CNOT1: variants seen among roughly 807,000 people sequenced by gnomAD.
The protein encoded by CNOT1 is CCR4-NOT transcription complex subunit 1.
CNOT1 carries 15 observed loss-of-function variants against 273.8 expected under a neutral mutation model. The ratio of observed to expected loss-of-function variants is 0.05; its 90% CI spans 0.04 to 0.08. The LOEUF is 0.08. Among genes scored for constraint, CNOT1 ranks in the 10% least tolerant of loss-of-function variants. CNOT1 has a pLI of 1.00. For synonymous variants in CNOT1, 1,022 were observed against 1,005.5 expected, an observed-to-expected ratio of 1.02 and a Z score of -0.31; for missense variants, 1,644 against 2,912.2, an observed-to-expected ratio of 0.56 and a Z score of 10.02.
intron 15 of CNOT1, 121 bp from the exon 16 acceptor site, chr16:58,574,881 A>T: frequency 6.4e-7 from 1 of 1,560,276 alleles, no homozygotes; most frequent in Non-Finnish European, 8.6e-7. Flanking sequence ...TTGCCATTTA[A>T]AAAAGTTGTT....
At chr16:58,607,136 C>T (rs1450945486) in intron 1 of CNOT1, among the ~76,000 whole-genome samples, 4 of 152,128 alleles carry the variant, frequency 2.6e-5, no homozygotes, top group African/African-American at 7.2e-5. Context: ...AATAAGGTCT[C>T]GATCAATAGC....
chr16:58,563,407 TCACA>T (rs1003654166), intron 16 of CNOT1, among the ~76,000 whole-genome samples: 3 of 152,160 alleles, frequency 2.0e-5, no homozygotes, highest in Non-Finnish European at 4.4e-5. Context: ...TCTATAATGC[TCACA>T]CAAAGACAAA....
At chr16:58,556,019 A>G in intron 19 of CNOT1, 111 bp from the exon 20 acceptor site, 1 of 1,504,354 alleles carries the variant, frequency 6.6e-7, no homozygotes, top group East Asian at 2.3e-5. Context: ...GAAATATAAA[A>G]AAACTGGAAA....
rs562755553 is a variant in CNOT1, at chr16:58,597,453, T to G, written c.102+1783A>C. ...TCGCGCCACGGTATGCCAGCCTGAG[T>G]GACAGAGTGAAACTCTGTCTCAAAA... On this transcript the variant is annotated intron_variant, in intron 2 of 48. Coordinates refer to ENST00000317147, the MANE Select transcript of CNOT1 (RefSeq NM_016284.5). The G allele has an allele frequency of 5.7e-3, 1,092 of 189,992 alleles. 6 individuals are homozygous for G. The highest frequency in any genetic ancestry group is 8.9e-3 in the Non-Finnish European group (836 of 93,986). 11.8% of individuals were successfully genotyped at this position (189,992 alleles called of 1,614,324 possible). A position where few individuals can be genotyped will look rare whatever the true frequency, so the allele number is the denominator to read the frequency against.
At chr16:58,535,430 T>A (rs1484703788) in intron 39 of CNOT1, among the ~76,000 whole-genome samples, 2 of 152,118 alleles carry the variant, frequency 1.3e-5, no homozygotes, top group Admixed American at 1.3e-4. Context: ...TTCAAAAGGA[T>A]ACAAAACAGC....
chr16:58,607,346 T>C (rs1220007143), intron 1 of CNOT1, among the ~76,000 whole-genome samples: 1 of 152,186 alleles, frequency 6.6e-6, no homozygotes, highest in African/African-American at 2.4e-5. Context: ...TTTAAGCACT[T>C]GTATATATAC....
chr16:58,604,446 G>GC, intron 1 of CNOT1, among the ~76,000 whole-genome samples: 1 of 152,128 alleles, frequency 6.6e-6, no homozygotes, highest in Admixed American at 6.5e-5. Context: ...GACTCAGATA[G>GC]TTTTAATGAT....
intron 16 of CNOT1, among the ~76,000 whole-genome samples, chr16:58,564,921 A>G (rs1240857503): frequency 6.6e-6 from 1 of 152,132 alleles, no homozygotes; most frequent in Non-Finnish European, 1.5e-5. Context: ...GGGTAACAAG[A>G]GAAAAACTCC....
At chr16:58,582,045 A>C (rs1336189840) in intron 10 of CNOT1, among the ~76,000 whole-genome samples, 3 of 150,788 alleles carry the variant, frequency 2.0e-5, no homozygotes, top group Non-Finnish European at 4.4e-5. Context: ...GCACTTTGGA[A>C]GGAGGGCGCA....
chr16:58,601,349 G>A (rs886463613), intron 1 of CNOT1, among the ~76,000 whole-genome samples: 4 of 151,966 alleles, frequency 2.6e-5, no homozygotes, highest in African/African-American at 9.7e-5. Context: ...CGCCCGCCTC[G>A]GCCTCCCAAA....
chr16:58,589,554 C>T (rs1272735643), intron 2 of CNOT1, among the ~76,000 whole-genome samples: 1 of 152,060 alleles, frequency 6.6e-6, no homozygotes, highest in Non-Finnish European at 1.5e-5. Flanking sequence ...CAGTCACTGG[C>T]AGGAAGAGAA....
At chr16:58,538,982 A>T (rs759452612) in intron 35 of CNOT1, 68 bp from the exon 36 acceptor site, 3 of 1,565,310 alleles carry the variant, frequency 1.9e-6, no homozygotes, top group Non-Finnish European at 2.6e-6. Flanking sequence ...CACAGCCAGA[A>T]ACCAAATCTC....
intron 22 of CNOT1, among the ~76,000 whole-genome samples, chr16:58,552,889 C>G (rs965601213): frequency 2.0e-5 from 3 of 152,206 alleles, no homozygotes; most frequent in African/African-American, 7.2e-5. Flanking sequence ...AACAATGCTT[C>G]TCAAATTTCA....
At chr16:58,580,508 AAG>A (rs1235925548) in intron 12 of CNOT1, 123 bp downstream of exon 12, 4 of 1,381,144 alleles carry the variant, frequency 2.9e-6, no homozygotes, top group Non-Finnish European at 3.8e-6. Context: ...TACTTAAGAT[AAG>A]TAAGGTCACT....
chr16:58,560,710 T>C (rs905328438), intron 16 of CNOT1, among the ~76,000 whole-genome samples: 1 of 152,182 alleles, frequency 6.6e-6, no homozygotes, highest in Non-Finnish European at 1.5e-5. Flanking sequence ...AGACCCCATG[T>C]CTACAAATAT....
chr16:58,601,734 TAAAA>T lies in CNOT1; in HGVS notation c.-174-2227_-174-2224del, dbSNP rs66711143. ...ATATGCTAGTGCTCCATACCCACCT[TAAAA>T]AAAAAAAAAAAAAAAAGCCTGTGCA... is the stretch of plus-strand genomic sequence containing the variant. On this transcript the variant is annotated intron_variant, in intron 1 of 48. Transcript: ENST00000317147. Among the ~76,000 whole-genome samples, 28 of 91,506 alleles carry T rather than the reference TAAAA, an allele frequency of 3.1e-4. 1 individual carries two copies. Among genetic ancestry groups the T allele is most frequent in the Non-Finnish European group, 4.9e-4 (22 of 44,834 alleles). The allele number at this position is 91,506 out of a possible 152,430, so 60.0% of individuals were successfully genotyped here.
chr16:58,575,775 G>A (rs1428975247), intron 14 of CNOT1, among the ~76,000 whole-genome samples: 2 of 151,412 alleles, frequency 1.3e-5, no homozygotes, highest in African/African-American at 4.8e-5. Context: ...TCCAGCCTGG[G>A]CGACAGAGTA....
intron 1 of CNOT1, among the ~76,000 whole-genome samples, chr16:58,609,096 AG>A (rs2042794385): frequency 6.6e-6 from 1 of 152,288 alleles, no homozygotes; most frequent in Non-Finnish European, 1.5e-5. Context: ...CTTACTCGCC[AG>A]GGGCAGTGGC....
intron 25 of CNOT1, among the ~76,000 whole-genome samples, chr16:58,549,311 A>AAG (rs2040374428): frequency 1.5e-5 from 2 of 137,184 alleles, no homozygotes; most frequent in Non-Finnish European, 3.1e-5. Context: ...AAAAAAAAAA[A>AAG]GGGGGCTACA....
Sources: allele counts gnomAD v4.1 joint callset (sites outside exome capture counted in the v4.1 genomes callset), GRCh38; gene constraint gnomAD v4.1.1; transcripts MANE v1.5; gene names NCBI Gene and HGNC (gene_info 2026-07-23, HGNC 2026-07-21).